Variants in CDH11 observed in about 807,000 individuals in gnomAD.
The protein encoded by CDH11 is cadherin-11.
CDH11 carries 11 observed loss-of-function variants against 67.8 expected under a neutral mutation model. The observed-to-expected ratio is 0.16, with a 90% CI of 0.10 to 0.27. The LOEUF (loss-of-function observed/expected upper bound fraction) is 0.27, where lower values mean the gene tolerates loss of function less well. Among genes scored for constraint, CDH11 ranks in the 10% least tolerant of loss-of-function variants. The probability of loss-of-function intolerance (pLI) is 1.00; values close to 1 mark genes in which losing one functional copy is unlikely to be tolerated. For synonymous variants in CDH11, 419 were observed against 400.0 expected, an observed-to-expected ratio of 1.05 and a Z score of -0.57; for missense variants, 847 against 1,031.2, an observed-to-expected ratio of 0.82 and a Z score of 2.45.
chr16:64,991,739 A>T, intron 6 of CDH11, 29 bp downstream of exon 6: 1 of 1,573,086 alleles, frequency 6.4e-7, no homozygotes. Flanking sequence ...GTCACCATGG[A>T]AAAGTGAAAG....
chr16:65,119,425 T>C (rs540122199), intron 1 of CDH11, among the ~76,000 whole-genome samples: 1 of 152,244 alleles, frequency 6.6e-6, no homozygotes, highest in Non-Finnish European at 1.5e-5. Context: ...TAATTGAAAA[T>C]AGAATTTAGG....
intron 2 of CDH11, among the ~76,000 whole-genome samples, chr16:65,047,379 T>C (rs1302610967): frequency 6.6e-6 from 1 of 151,178 alleles, no homozygotes; most frequent in Non-Finnish European, 1.5e-5. Flanking sequence ...TTAGATGGAG[T>C]CTTGCTCTGT....
intron 8 of CDH11, among the ~76,000 whole-genome samples, chr16:64,979,484 T>A (rs565472185): frequency 1.3e-5 from 2 of 152,182 alleles, no homozygotes; most frequent in South Asian, 4.1e-4. Flanking sequence ...ATGCTTGGTG[T>A]CACTAGTCAT....
chr16:65,095,923 CTTGAGATGGTG>C (rs1462639023), intron 1 of CDH11, among the ~76,000 whole-genome samples: 12 of 152,086 alleles, frequency 7.9e-5, no homozygotes, highest in Non-Finnish European at 1.8e-4. Context: ...TTGAGAAGGC[CTTGAGATGGTG>C]CCATCTATGA....
chr16:65,032,492 G>C (rs185481297), intron 2 of CDH11, among the ~76,000 whole-genome samples: 129 of 149,234 alleles, frequency 8.6e-4, no homozygotes, highest in Middle Eastern at 3.5e-3. Context: ...AAAAGAGACA[G>C]AGAGAGAGAG....
At chr16:65,108,062 G>T (rs901944066) in intron 1 of CDH11, among the ~76,000 whole-genome samples, 2 of 152,158 alleles carry the variant, frequency 1.3e-5, no homozygotes, top group Non-Finnish European at 2.9e-5. Context: ...ACAGAAGTTA[G>T]GCACCCAATA....
intron 1 of CDH11, among the ~76,000 whole-genome samples, chr16:65,060,338 C>CATATATATAT (rs56797143): frequency 6.9e-6 from 1 of 144,968 alleles, no homozygotes; most frequent in Non-Finnish European, 1.5e-5. Flanking sequence ...ATAAAATTTG[C>CATATATATAT]ATATATATAT....
chr16:65,113,906 T>C (rs1036394145), intron 1 of CDH11, among the ~76,000 whole-genome samples: 35 of 152,270 alleles, frequency 2.3e-4, no homozygotes, highest in African/African-American at 8.4e-4. Flanking sequence ...TTATACAGAA[T>C]GTTCTTAGTA....
At chr16:65,096,435 GTGTGTGTGTATA>G (rs1295324769) in intron 1 of CDH11, among the ~76,000 whole-genome samples, 2 of 143,198 alleles carry the variant, frequency 1.4e-5, no homozygotes, top group African/African-American at 5.4e-5. Context: ...GTGTGTGTGT[GTGTGTGTGTATA>G]TATATGTTTA....
chr16:65,123,556 C>T (rs949507243), upstream of CDH11: 1 of 151,960 alleles, frequency 6.6e-6, no homozygotes. Flanking sequence ...CGAGCCCTGC[C>T]CTCCAGCTCC....
At chr16:65,069,639 C>T (rs1020079194) in intron 1 of CDH11, among the ~76,000 whole-genome samples, 16 of 152,040 alleles carry the variant, frequency 1.1e-4, no homozygotes, top group Non-Finnish European at 1.8e-4. Flanking sequence ...AAAATAGAAA[C>T]GGAAAAATAG....
intron 2 of CDH11, among the ~76,000 whole-genome samples, chr16:65,033,645 G>A (rs2073691692): frequency 6.6e-6 from 1 of 151,004 alleles, no homozygotes; most frequent in Non-Finnish European, 1.5e-5. Flanking sequence ...GCTGAGGCAG[G>A]AGAACCGCTT....
chr16:65,020,454 C>T (rs1244059041), intron 2 of CDH11, among the ~76,000 whole-genome samples: 2 of 152,166 alleles, frequency 1.3e-5, no homozygotes, highest in East Asian at 3.9e-4. Context: ...CTCAGCCTCC[C>T]AAGTAGCTGG....
chr16:65,050,596 CA>C (rs1204652350), intron 2 of CDH11, among the ~76,000 whole-genome samples: 1 of 149,104 alleles, frequency 6.7e-6, no homozygotes, highest in East Asian at 2.0e-4. Context: ...TTTCCTCCAC[CA>C]GGCACAGAAT....
intron 3 of CDH11, among the ~76,000 whole-genome samples, chr16:65,001,872 G>A (rs539445522): frequency 3.6e-4 from 55 of 150,714 alleles, no homozygotes; most frequent in African/African-American, 1.3e-3. Context: ...TGAGGCATAC[G>A]CAGCCAATTC....
chr16:65,018,420 TA>T (rs954201639), intron 2 of CDH11, among the ~76,000 whole-genome samples: 2 of 151,990 alleles, frequency 1.3e-5, no homozygotes, highest in Admixed American at 6.5e-5. Flanking sequence ...AAAAAAATTT[TA>T]AAAAAAACAG....
chr16:64,948,788 C>T (rs1004247316), intron 12 of CDH11: 11 of 1,587,622 alleles, frequency 6.9e-6, no homozygotes, highest in Non-Finnish European at 9.4e-6. Context: ...CTTGGGCAAC[C>T]TAGGAGGGGT....
chr16:65,088,221 T>C (rs1377571284), intron 1 of CDH11, among the ~76,000 whole-genome samples: 1 of 152,180 alleles, frequency 6.6e-6, no homozygotes, highest in African/African-American at 2.4e-5. Context: ...CCGAATCAGC[T>C]GGCACCTTGA....
At chr16:64,994,074 T>G (rs1326626707) in intron 4 of CDH11, among the ~76,000 whole-genome samples, 1 of 152,122 alleles carries the variant, frequency 6.6e-6, no homozygotes, top group Non-Finnish European at 1.5e-5. Context: ...AGGGGCAAGG[T>G]TCTATGTGGG....
Sources: allele counts gnomAD v4.1 joint callset (sites outside exome capture counted in the v4.1 genomes callset), GRCh38; gene constraint gnomAD v4.1.1; transcripts MANE v1.5; gene names NCBI Gene and HGNC (gene_info 2026-07-23, HGNC 2026-07-21).